Variants in LINGO2 observed in about 807,000 individuals in gnomAD.
LINGO2 encodes leucine-rich repeat and immunoglobulin-like domain-containing nogo receptor-interacting protein 2.
Under a neutral mutation model 30.6 loss-of-function variants are expected in LINGO2, and 14 were observed. That is an observed-to-expected ratio of 0.46 (90% CI 0.30 to 0.72). LINGO2 has a LOEUF of 0.72. Among genes scored for constraint, LINGO2 ranks in the 30% least tolerant of loss-of-function variants. The pLI is 0.07. For missense variants in LINGO2, 729 were observed against 751.7 expected, an observed-to-expected ratio of 0.97 and a Z score of 0.35; for synonymous variants, 317 against 288.5, an observed-to-expected ratio of 1.10 and a Z score of -1.00.
the LINGO2 span, among the ~76,000 whole-genome samples, chr9:28,752,645 C>A: frequency 6.6e-6 from 1 of 152,030 alleles, no homozygotes; most frequent in Non-Finnish European, 1.5e-5. Context: ...AGTCTTTTCT[C>A]CATATTCACC....
At chr9:28,340,000 T>G (rs1464876224) in intron 3 of LINGO2, among the ~76,000 whole-genome samples, 2 of 152,182 alleles carry the variant, frequency 1.3e-5, no homozygotes, top group Non-Finnish European at 2.9e-5. Flanking sequence ...TGCTTCACAG[T>G]TGAATTCTCC....
At chr9:28,617,728 T>A (rs941509265) in intron 1 of LINGO2, among the ~76,000 whole-genome samples, 2 of 145,984 alleles carry the variant, frequency 1.4e-5, no homozygotes, top group African/African-American at 5.5e-5. Context: ...CATCTTTACT[T>A]TTTTTTTATT....
chr9:28,936,558 G>A, the LINGO2 span, among the ~76,000 whole-genome samples: 1 of 152,114 alleles, frequency 6.6e-6, no homozygotes, highest in Non-Finnish European at 1.5e-5. Flanking sequence ...ACATGCAACC[G>A]AACTACATTA....
intron 3 of LINGO2, among the ~76,000 whole-genome samples, chr9:28,355,319 CTCTCTCTG>C (rs1470446986): frequency 8.8e-5 from 12 of 136,718 alleles, no homozygotes; most frequent in East Asian, 4.1e-4. Context: ...CTCTCTCTCT[CTCTCTCTG>C]TCTCTGTCTC....
chr9:28,962,018 G>T, the LINGO2 span, among the ~76,000 whole-genome samples: 1 of 151,948 alleles, frequency 6.6e-6, no homozygotes, highest in East Asian at 1.9e-4. Flanking sequence ...TAAGCTTTAG[G>T]GAAAAAATAC....
At chr9:28,591,576 C>T (rs1824911724) in intron 1 of LINGO2, among the ~76,000 whole-genome samples, 1 of 151,930 alleles carries the variant, frequency 6.6e-6, no homozygotes, top group South Asian at 2.1e-4. Flanking sequence ...AAGTGTTAGG[C>T]ACCTTTTATG....
chr9:28,786,361 T>C, the LINGO2 span, among the ~76,000 whole-genome samples: 1 of 152,168 alleles, frequency 6.6e-6, no homozygotes, highest in Non-Finnish European at 1.5e-5. Context: ...TCACCAGATG[T>C]AAGTTCAAAG....
At chr9:28,540,225 T>G (rs570826918) in intron 1 of LINGO2, among the ~76,000 whole-genome samples, 41 of 152,156 alleles carry the variant, frequency 2.7e-4, no homozygotes, top group African/African-American at 9.4e-4. Flanking sequence ...GTTCATTTTT[T>G]TTTTCTTTGA....
chr9:28,192,569 C>A (rs1020117976), intron 4 of LINGO2, among the ~76,000 whole-genome samples: 1 of 152,036 alleles, frequency 6.6e-6, no homozygotes, highest in Non-Finnish European at 1.5e-5. Flanking sequence ...CACACATAAC[C>A]CACTGGCCTG....
chr9:28,234,684 T>A (rs771873219), intron 4 of LINGO2, among the ~76,000 whole-genome samples: 7 of 152,218 alleles, frequency 4.6e-5, no homozygotes, highest in Non-Finnish European at 7.3e-5. Context: ...TTTTGGAATC[T>A]TGGACTTACG....
the LINGO2 span, among the ~76,000 whole-genome samples, chr9:28,698,455 G>C: frequency 6.6e-6 from 1 of 151,886 alleles, no homozygotes; most frequent in Admixed American, 6.6e-5. Flanking sequence ...ATCTCCAAAC[G>C]TCTGATTTCA....
At chr9:28,381,323 T>C (rs1246560485) in intron 2 of LINGO2, among the ~76,000 whole-genome samples, 1 of 152,122 alleles carries the variant, frequency 6.6e-6, no homozygotes, top group African/African-American at 2.4e-5. Flanking sequence ...GGTATTTGGG[T>C]GCCAGTGGCA....
intron 1 of LINGO2, among the ~76,000 whole-genome samples, chr9:28,555,692 C>G (rs1445552546): frequency 6.6e-6 from 1 of 151,890 alleles, no homozygotes; most frequent in East Asian, 1.9e-4. Context: ...GAGACACAAC[C>G]AAAAAAGCGA....
In LINGO2 at chr9:28,545,341, G is replaced by C. The variant is rs143580590; in HGVS notation, c.-364-69316C>G. On this transcript the variant is annotated intron_variant, in intron 1 of 5. Coordinates refer to ENST00000379992, the Ensembl canonical transcript of LINGO2. ...GGAGTAATGATTACTAAAGAGCATT[G>C]TGAATTTCTACCTAAAGACATTTCT... is the stretch of plus-strand genomic sequence containing the variant. Among the ~76,000 whole-genome samples the C allele has an allele frequency of 2.6e-4, 40 of 152,196 alleles. No individual in the cohort carries two copies. In the East Asian group the frequency reaches 7.5e-3, roughly 29 times the overall value.
chr9:28,863,657 A>G, the LINGO2 span: 1 of 532,810 alleles, frequency 1.9e-6, no homozygotes, highest in Non-Finnish European at 3.9e-6. Flanking sequence ...GTAAACCACC[A>G]CCACATTAGC....
In LINGO2 at chr9:28,528,541, C is replaced by A. The variant is rs192104019; in HGVS notation, c.-364-52516G>T. Among the ~76,000 whole-genome samples, 295 of 152,284 alleles carry A rather than the reference C, an allele frequency of 1.9e-3. 5 individuals carry two copies. The highest frequency in any genetic ancestry group is 3.8e-4 in the Non-Finnish European group (26 of 68,016). ...ATATCTGAACTTTTATCCTTTCAGT[C>A]ATGCTCTCTAATTGAACACTGCTTA... On this transcript the variant is annotated intron_variant, in intron 1 of 5. Transcript: ENST00000379992.
the LINGO2 span, among the ~76,000 whole-genome samples, chr9:28,695,038 C>T: frequency 7.0e-6 from 1 of 142,234 alleles, no homozygotes; most frequent in Non-Finnish European, 1.5e-5. Flanking sequence ...TTACCTGCCC[C>T]AATCTCTAAT....
At chr9:28,196,509 A>C (rs1469417896) in intron 4 of LINGO2, among the ~76,000 whole-genome samples, 1 of 151,900 alleles carries the variant, frequency 6.6e-6, no homozygotes, top group Non-Finnish European at 1.5e-5. Context: ...CAATGGAAAC[A>C]AAAAGGTATA....
At chr9:28,399,874 T>C (rs974479627) in intron 2 of LINGO2, among the ~76,000 whole-genome samples, 3 of 152,210 alleles carry the variant, frequency 2.0e-5, no homozygotes. Flanking sequence ...TTAAAAGTAA[T>C]ACCTATTTTG....
Sources: allele counts gnomAD v4.1 joint callset (sites outside exome capture counted in the v4.1 genomes callset), GRCh38; gene constraint gnomAD v4.1.1; transcripts MANE v1.5; gene names NCBI Gene and HGNC (gene_info 2026-07-23, HGNC 2026-07-21).